Variants in ZBTB20 observed in about 807,000 individuals in gnomAD.
ZBTB20 encodes zinc finger and BTB domain-containing protein 20.
Under a neutral mutation model 56.9 loss-of-function variants are expected in ZBTB20, and 9 were observed. The observed-to-expected ratio is 0.16, with a 90% CI of 0.10 to 0.28. The LOEUF is 0.28. ZBTB20 is among the 10% of genes least tolerant of loss of function. The pLI is 1.00. For synonymous variants in ZBTB20, 417 were observed against 420.7 expected (o/e 0.99, Z 0.11); for missense variants, 655 against 1,003.0 (o/e 0.65, Z 4.69).
chr3:114,489,762 G>A (rs1052430342), intron 7 of ZBTB20, among the ~76,000 whole-genome samples: 1 of 152,162 alleles, frequency 6.6e-6, no homozygotes, highest in Non-Finnish European at 1.5e-5. Context: ...CTCGACAGCT[G>A]CCAAATTTTA....
chr3:114,408,936 T>A (rs1192828403), intron 7 of ZBTB20, among the ~76,000 whole-genome samples: 1 of 151,992 alleles, frequency 6.6e-6, no homozygotes, highest in African/African-American at 2.4e-5. Flanking sequence ...TCGTCCGCCG[T>A]CCGCTCCTGG....
At chr3:114,567,195 C>A (rs758868835) in intron 6 of ZBTB20, among the ~76,000 whole-genome samples, 1 of 152,124 alleles carries the variant, frequency 6.6e-6, no homozygotes, top group Non-Finnish European at 1.5e-5. Context: ...TGCTTGCTCG[C>A]AGGGTCCTAT....
intron 7 of ZBTB20, among the ~76,000 whole-genome samples, chr3:114,390,508 A>G (rs1460348902): frequency 1.3e-5 from 2 of 151,826 alleles, no homozygotes; most frequent in Admixed American, 6.6e-5. Flanking sequence ...TTTCCCCTAT[A>G]CCTCAGTCTG....
intron 6 of ZBTB20, among the ~76,000 whole-genome samples, chr3:114,592,871 C>T (rs931430339): frequency 1.3e-5 from 2 of 152,064 alleles, no homozygotes; most frequent in African/African-American, 4.8e-5. Flanking sequence ...TATTCTTATA[C>T]ATTCACAATC....
At chr3:115,123,086 C>T (rs2084228849) in intron 1 of ZBTB20, among the ~76,000 whole-genome samples, 1 of 152,068 alleles carries the variant, frequency 6.6e-6, no homozygotes, top group Non-Finnish European at 1.5e-5. Context: ...TGCTACAATA[C>T]ACTTCTTTCT....
intron 6 of ZBTB20, among the ~76,000 whole-genome samples, chr3:114,635,913 C>G (rs1031526211): frequency 6.6e-6 from 1 of 151,826 alleles, no homozygotes; most frequent in African/African-American, 2.4e-5. Flanking sequence ...CTTCCCAAAT[C>G]AGGGGAGAGA....
intron 4 of ZBTB20, among the ~76,000 whole-genome samples, chr3:114,856,338 C>CAG (rs1241317737): frequency 6.6e-6 from 1 of 152,032 alleles, no homozygotes; most frequent in Non-Finnish European, 1.5e-5. Flanking sequence ...CACAAAATGG[C>CAG]AGAGTTGGCA....
intron 6 of ZBTB20, among the ~76,000 whole-genome samples, chr3:114,686,011 A>G (rs2062321355): frequency 6.6e-6 from 1 of 152,134 alleles, no homozygotes; most frequent in African/African-American, 2.4e-5. Context: ...CCAGGACCTG[A>G]ATTTTTTATA....
At chr3:114,965,381 T>G (rs573968451) in intron 3 of ZBTB20, among the ~76,000 whole-genome samples, 1 of 152,132 alleles carries the variant, frequency 6.6e-6, no homozygotes, top group African/African-American at 2.4e-5. Flanking sequence ...GTACAACATA[T>G]CTCTTCAACT....
intron 5 of ZBTB20, among the ~76,000 whole-genome samples, chr3:114,713,565 G>A (rs2064243591): frequency 6.6e-6 from 1 of 152,252 alleles, no homozygotes; most frequent in East Asian, 1.9e-4. Flanking sequence ...CTGGCTTTAA[G>A]AGAACTCCAA....
intron 1 of ZBTB20, among the ~76,000 whole-genome samples, chr3:115,077,858 A>T (rs2108529058): frequency 6.6e-6 from 1 of 152,348 alleles, no homozygotes; most frequent in East Asian, 1.9e-4. Flanking sequence ...GAACTGTTAT[A>T]CAATTCAGAA....
At chr3:114,804,224 T>TAA (rs11456765) in intron 4 of ZBTB20, among the ~76,000 whole-genome samples, 19 of 151,626 alleles carry the variant, frequency 1.3e-4, no homozygotes, top group Middle Eastern at 3.4e-3. Context: ...CTCTAGTCAA[T>TAA]AAAAAAACAA....
chr3:115,033,091 T>C (rs1038059170), intron 2 of ZBTB20, among the ~76,000 whole-genome samples: 2 of 148,812 alleles, frequency 1.3e-5, no homozygotes, highest in Non-Finnish European at 3.0e-5. Context: ...TCTTCAAAAA[T>C]ATTAATAAGA....
intron 5 of ZBTB20, among the ~76,000 whole-genome samples, chr3:114,715,582 C>T (rs2064416496): frequency 6.6e-6 from 1 of 152,162 alleles, no homozygotes; most frequent in African/African-American, 2.4e-5. Flanking sequence ...AGGCTTAGAC[C>T]TGTCCCCAAC....
intron 6 of ZBTB20, among the ~76,000 whole-genome samples, chr3:114,664,283 T>C (rs948405566): frequency 6.6e-6 from 1 of 152,060 alleles, no homozygotes; most frequent in Admixed American, 6.6e-5. Context: ...CACACAAACA[T>C]TGTAGTGAAC....
At chr3:114,677,214 T>C (rs1434189196) in intron 6 of ZBTB20, among the ~76,000 whole-genome samples, 1 of 152,192 alleles carries the variant, frequency 6.6e-6, no homozygotes, top group Non-Finnish European at 1.5e-5. Context: ...GGTAGATCTT[T>C]AGTAAATATA....
At chr3:114,839,851 C>T (rs1443958243) in intron 4 of ZBTB20, among the ~76,000 whole-genome samples, 2 of 152,184 alleles carry the variant, frequency 1.3e-5, no homozygotes, top group South Asian at 2.1e-4. Flanking sequence ...CCACCAGAAG[C>T]TGGAAAAGCA....
chr3:114,841,507 G>A (rs2074382766), intron 4 of ZBTB20, among the ~76,000 whole-genome samples: 1 of 152,184 alleles, frequency 6.6e-6, no homozygotes, highest in African/African-American at 2.4e-5. Flanking sequence ...TAACTTAGGT[G>A]AGATAAGATG....
At chr3:115,017,215 T>C (rs1261776781) in intron 2 of ZBTB20, among the ~76,000 whole-genome samples, 1 of 151,448 alleles carries the variant, frequency 6.6e-6, no homozygotes, top group East Asian at 2.0e-4. Flanking sequence ...CAAAAGTCGC[T>C]AGCGTTCCTA....
Sources: gnomAD v4.1 joint callset for allele counts (sites outside exome capture counted in the v4.1 genomes callset) on GRCh38, gnomAD v4.1.1 for gene constraint, MANE v1.5 for transcripts, NCBI Gene and HGNC (gene_info 2026-07-23, HGNC 2026-07-21) for gene names.